The following DGKB variants were observed in gnomAD, a reference collection of about 807,000 sequenced individuals.
DGKB encodes the protein diacylglycerol kinase beta.
DGKB carries 67 observed loss-of-function variants against 114.3 expected under a neutral mutation model. The observed-to-expected ratio is 0.59, with a 90% confidence interval of 0.48 to 0.72. The LOEUF (loss-of-function observed/expected upper bound fraction) is 0.72, where lower values mean the gene tolerates loss of function less well. DGKB is among the 30% of genes least tolerant of loss of function. The pLI is 0.00. For missense variants in DGKB, 907 were observed against 975.2 expected (o/e 0.93, Z 0.93); for synonymous variants, 398 against 323.1 (o/e 1.23, Z -2.49).
chr7:14,912,280 C>G (rs1399245303), intron 1 of DGKB, among the ~76,000 whole-genome samples: 1 of 152,112 alleles, frequency 6.6e-6, no homozygotes, highest in Non-Finnish European at 1.5e-5. Context: ...TGTTTCTAAG[C>G]CCAGTCCTAT....
chr7:14,333,866 A>T (rs956940418), intron 23 of DGKB, among the ~76,000 whole-genome samples: 4 of 152,222 alleles, frequency 2.6e-5, no homozygotes, highest in Admixed American at 2.0e-4. Flanking sequence ...AATTGAATTG[A>T]ATTGCAAAGC....
intron 2 of DGKB, among the ~76,000 whole-genome samples, chr7:14,809,795 TACCTC>T (rs1479715737): frequency 1.3e-5 from 2 of 152,158 alleles, no homozygotes; most frequent in African/African-American, 4.8e-5. Context: ...ATGTAGTTGT[TACCTC>T]AAGAAAATTG....
intron 20 of DGKB, among the ~76,000 whole-genome samples, chr7:14,508,949 G>A (rs1414602855): frequency 4.6e-5 from 7 of 152,110 alleles, no homozygotes; most frequent in African/African-American, 1.7e-4. Flanking sequence ...TATGAACAAT[G>A]TCATATAAAT....
At chr7:14,270,227 G>T (rs575728244) in intron 23 of DGKB, among the ~76,000 whole-genome samples, 1 of 152,208 alleles carries the variant, frequency 6.6e-6, no homozygotes, top group East Asian at 1.9e-4. Flanking sequence ...TATGCTCTCC[G>T]TTTCTCGAGG....
At chr7:14,831,845 C>T (rs376274557) in intron 2 of DGKB, among the ~76,000 whole-genome samples, 8 of 151,978 alleles carry the variant, frequency 5.3e-5, no homozygotes, top group Non-Finnish European at 8.8e-5. Flanking sequence ...AGATAAACTA[C>T]GCTTATTTAC....
At chr7:14,206,855 G>A (rs539953171) in intron 23 of DGKB, among the ~76,000 whole-genome samples, 1 of 151,970 alleles carries the variant, frequency 6.6e-6, no homozygotes, top group Admixed American at 6.6e-5. Flanking sequence ...AAGTGTGTGA[G>A]CCAATCTCTG....
intron 13 of DGKB, among the ~76,000 whole-genome samples, chr7:14,670,747 C>T (rs972560287): frequency 6.6e-6 from 1 of 152,086 alleles, no homozygotes; most frequent in Non-Finnish European, 1.5e-5. Context: ...CAACATTCTA[C>T]TCTGTTTATG....
chr7:14,492,970 A>T (rs1353659039), intron 20 of DGKB, among the ~76,000 whole-genome samples: 1 of 152,104 alleles, frequency 6.6e-6, no homozygotes, highest in East Asian at 1.9e-4. Flanking sequence ...CATAGACATA[A>T]CCATTTTTCA....
chr7:14,306,636 C>T (rs755966410), intron 23 of DGKB, among the ~76,000 whole-genome samples: 25 of 152,016 alleles, frequency 1.6e-4, no homozygotes, highest in Non-Finnish European at 2.4e-4. Flanking sequence ...TTTGGCTCTG[C>T]GCTTCAGAAC....
intron 16 of DGKB, among the ~76,000 whole-genome samples, chr7:14,608,316 A>G (rs1804893473): frequency 6.6e-6 from 1 of 152,126 alleles, no homozygotes; most frequent in African/African-American, 2.4e-5. Flanking sequence ...TCACCACATA[A>G]ATAGAATTAA....
At chr7:14,406,226 C>A (rs995429168) in intron 21 of DGKB, among the ~76,000 whole-genome samples, 3 of 151,932 alleles carry the variant, frequency 2.0e-5, no homozygotes, top group Admixed American at 6.6e-5. Flanking sequence ...AATAGCCTAG[C>A]AAATGCAGTC....
chr7:14,435,493 G>A (rs1829101141), intron 21 of DGKB, among the ~76,000 whole-genome samples: 1 of 152,042 alleles, frequency 6.6e-6, no homozygotes, highest in Admixed American at 6.6e-5. Flanking sequence ...TGACCCAACA[G>A]AGTTATGTGA....
At chr7:14,353,695 A>G (rs1448574081) in intron 21 of DGKB, among the ~76,000 whole-genome samples, 2 of 152,212 alleles carry the variant, frequency 1.3e-5, no homozygotes, top group African/African-American at 2.4e-5. Flanking sequence ...GAATTTTCAC[A>G]TATATTATTG....
intron 17 of DGKB, among the ~76,000 whole-genome samples, chr7:14,606,939 G>T (rs1251757329): frequency 6.6e-6 from 1 of 151,834 alleles, no homozygotes; most frequent in Non-Finnish European, 1.5e-5. Context: ...AATTTAACTT[G>T]AATTTAAAAA....
chr7:14,463,799 G>C (rs777274423), intron 21 of DGKB, among the ~76,000 whole-genome samples: 3 of 152,192 alleles, frequency 2.0e-5, no homozygotes, highest in African/African-American at 7.2e-5. Context: ...TCCTAAGATT[G>C]TGTGTGGATT....
At chr7:14,903,254 T>TGTGTGTGTGTGTGTGTGTG (rs1783403502), upstream of DGKB, 1 of 138,140 alleles carries the variant, frequency 7.2e-6, no homozygotes, top group Non-Finnish European at 1.6e-5. Context: ...TGTGTGTGTG[T>TGTGTGTGTGTGTGTGTGTG]TGAGGAGGAG....
chr7:14,937,108 T>C (rs1472612980), intron 1 of DGKB, among the ~76,000 whole-genome samples: 1 of 151,994 alleles, frequency 6.6e-6, no homozygotes, highest in Non-Finnish European at 1.5e-5. Context: ...GCTACATTTT[T>C]TTCATTTTTA....
chr7:14,191,837 G>C, intron 23 of DGKB: 1 of 481,060 alleles, frequency 2.1e-6, no homozygotes, highest in Non-Finnish European at 4.2e-6. Context: ...TGACGGCTAT[G>C]TCCCTGTACT....
chr7:14,945,155 AC>A (rs1306013651), intron 1 of DGKB, among the ~76,000 whole-genome samples: 1 of 151,858 alleles, frequency 6.6e-6, no homozygotes, highest in African/African-American at 2.4e-5. Context: ...ATACTACACA[AC>A]AAAAATGCAA....
Sources: allele counts gnomAD v4.1 joint callset (sites outside exome capture counted in the v4.1 genomes callset), GRCh38; gene constraint gnomAD v4.1.1; transcripts MANE v1.5; gene names NCBI Gene and HGNC (gene_info 2026-07-23, HGNC 2026-07-21).